Variants in OR2L13 observed in about 807,000 individuals in gnomAD.
The protein encoded by OR2L13 is olfactory receptor 2L13.
A neutral mutation model predicts 15.3 loss-of-function variants in OR2L13; 14 were observed. That is an observed-to-expected ratio of 0.91 (90% CI 0.60 to 1.43). OR2L13 has a LOEUF of 1.43. OR2L13 is among the 40% of genes most tolerant of loss of function. OR2L13 has a pLI of 0.00. For missense variants in OR2L13, 367 were observed against 387.9 expected, an observed-to-expected ratio of 0.95 and a Z score of 0.45; for synonymous variants, 152 against 142.9, an observed-to-expected ratio of 1.06 and a Z score of -0.45.
upstream of OR2L13, among the ~76,000 whole-genome samples, chr1:248,092,134 G>C (rs75363179): frequency 0.041 from 6,278 of 152,224 alleles, 432 homozygotes; most frequent in African/African-American, 0.14. Context: ...TTTGTATGCT[G>C]AAACTTTGCT....
At chr1:248,036,324 T>C in the OR2L13 span, among the ~76,000 whole-genome samples, 1 of 152,256 alleles carries the variant, frequency 6.6e-6, no homozygotes, top group African/African-American at 2.4e-5. Context: ...ATTGTATCTT[T>C]AATTTCAAAG....
the OR2L13 span, among the ~76,000 whole-genome samples, chr1:248,073,310 G>C: frequency 0.041 from 6,220 of 152,278 alleles, 426 homozygotes; most frequent in African/African-American, 0.14. Context: ...AAAATGATGA[G>C]TTTATGCCCT....
the OR2L13 span, among the ~76,000 whole-genome samples, chr1:248,052,710 G>A: frequency 6.6e-6 from 1 of 152,060 alleles, no homozygotes; most frequent in South Asian, 2.1e-4. Flanking sequence ...CAGCCTGGGC[G>A]ACAGAGTGAG....
the OR2L13 span, among the ~76,000 whole-genome samples, chr1:247,951,745 A>G: frequency 1.3e-5 from 2 of 152,192 alleles, no homozygotes; most frequent in Non-Finnish European, 2.9e-5. Flanking sequence ...CTGATATTCA[A>G]TGAATACAAC....
the OR2L13 span, chr1:248,061,545 C>G: frequency 3.7e-6 from 6 of 1,613,752 alleles, no homozygotes; most frequent in East Asian, 1.1e-4. Context: ...ACCCCATCAT[C>G]TATAGCCTGA....
chr1:247,977,950 C>T, the OR2L13 span, among the ~76,000 whole-genome samples: 1 of 152,098 alleles, frequency 6.6e-6, no homozygotes, highest in African/African-American at 2.4e-5. Flanking sequence ...CGTCCAGACT[C>T]CTTAAAAACG....
the OR2L13 span, among the ~76,000 whole-genome samples, chr1:247,993,342 GTT>G: frequency 3.7e-5 from 5 of 134,954 alleles, no homozygotes; most frequent in Admixed American, 7.4e-5. Flanking sequence ...TTTCCTCGTT[GTT>G]TTTTTTTTTT....
chr1:248,088,104 A>G, the OR2L13 span, among the ~76,000 whole-genome samples: 157 of 152,294 alleles, frequency 1.0e-3, no homozygotes, highest in African/African-American at 3.7e-3. Flanking sequence ...AACAATGTTA[A>G]TGGTTTTAAA....
the OR2L13 span, among the ~76,000 whole-genome samples, chr1:248,009,803 C>G: frequency 6.6e-6 from 1 of 152,070 alleles, no homozygotes; most frequent in Non-Finnish European, 1.5e-5. Context: ...CAGCATATCA[C>G]AAAACTTATC....
chr1:247,950,699 T>A, the OR2L13 span, among the ~76,000 whole-genome samples: 1 of 152,016 alleles, frequency 6.6e-6, no homozygotes, highest in African/African-American at 2.4e-5. Context: ...CTAAAAATTT[T>A]AAAAATTGAG....
At chr1:248,015,384 G>A in the OR2L13 span, among the ~76,000 whole-genome samples, 1 of 152,208 alleles carries the variant, frequency 6.6e-6, no homozygotes, top group East Asian at 1.9e-4. Context: ...ACTCTTCTGT[G>A]TCATCTGATT....
chr1:248,028,153 A>T, the OR2L13 span, among the ~76,000 whole-genome samples: 1 of 150,686 alleles, frequency 6.6e-6, no homozygotes, highest in Non-Finnish European at 1.5e-5. Flanking sequence ...AAAAAAAAAA[A>T]AAAAAAAAAA....
At chr1:247,970,415 A>G in the OR2L13 span, among the ~76,000 whole-genome samples, 1 of 152,132 alleles carries the variant, frequency 6.6e-6, no homozygotes, top group Non-Finnish European at 1.5e-5. Context: ...CATGGCAACA[A>G]TGTAATAGTT....
At chr1:248,065,241 A>G in the OR2L13 span, among the ~76,000 whole-genome samples, 1 of 152,186 alleles carries the variant, frequency 6.6e-6, no homozygotes, top group Admixed American at 6.5e-5. Flanking sequence ...TCATTCTTTA[A>G]TTCTTTCATG....
the OR2L13 span, chr1:248,083,707 C>T: frequency 6.2e-7 from 1 of 1,612,360 alleles, no homozygotes; most frequent in South Asian, 1.1e-5. Flanking sequence ...TTCAGGGCTT[C>T]CTTGACCTCA....
the OR2L13 span, among the ~76,000 whole-genome samples, chr1:248,065,894 C>T: frequency 6.6e-6 from 1 of 152,082 alleles, no homozygotes; most frequent in Non-Finnish European, 1.5e-5. Context: ...CCTGTCTTTT[C>T]AGCATGCAGC....
chr1:247,981,867 G>T, the OR2L13 span, among the ~76,000 whole-genome samples: 1 of 151,326 alleles, frequency 6.6e-6, no homozygotes, highest in Admixed American at 6.6e-5. Context: ...CCAGGCTGGA[G>T]TGCAGTGGTG....
the OR2L13 span, among the ~76,000 whole-genome samples, chr1:248,049,908 A>G: frequency 6.6e-6 from 1 of 152,196 alleles, no homozygotes; most frequent in Non-Finnish European, 1.5e-5. Context: ...ATGTATGTAT[A>G]TATGTATATA....
exon 3 of OR2L13, chr1:248,099,460 C>T (rs1558223326): frequency 6.2e-7 from 1 of 1,613,452 alleles, no homozygotes; most frequent in South Asian, 1.1e-5. Flanking sequence ...TCTCTTGTGC[C>T]TTATCATCCT....
Sources: allele counts gnomAD v4.1 joint callset (sites outside exome capture counted in the v4.1 genomes callset), GRCh38; gene constraint gnomAD v4.1.1; transcripts MANE v1.5; gene names NCBI Gene and HGNC (gene_info 2026-07-23, HGNC 2026-07-21).